The following LMO7 variants were observed in gnomAD, a reference collection of about 807,000 sequenced individuals.
LMO7 encodes LIM domain 7.
Under a neutral mutation model 206.5 loss-of-function variants are expected in LMO7, and 120 were observed. The observed-to-expected ratio is 0.58, with a 90% confidence interval of 0.50 to 0.68. The LOEUF (loss-of-function observed/expected upper bound fraction) is 0.68, where lower values mean the gene tolerates loss of function less well. LMO7 is among the 30% of genes least tolerant of loss of function. The pLI is 0.00. For synonymous variants in LMO7, 706 were observed against 681.5 expected (o/e 1.04, Z -0.56); for missense variants, 1,959 against 1,957.9 (o/e 1.00, Z -0.01).
chr13:75,675,289 G>A (rs980341451), intron 1 of LMO7, among the ~76,000 whole-genome samples: 1 of 151,878 alleles, frequency 6.6e-6, no homozygotes, highest in African/African-American at 2.4e-5. Flanking sequence ...GGCCAGGCTG[G>A]TCTCAAACTC....
At chr13:75,838,432 A>AT in intron 20 of LMO7, 4 of 709,378 alleles carry the variant, frequency 5.6e-6, no homozygotes, top group Non-Finnish European at 5.3e-6. Flanking sequence ...TAAACATTTT[A>AT]CTTTTTTTTT....
intron 26 of LMO7, among the ~76,000 whole-genome samples, chr13:75,846,307 G>A (rs1257183324): frequency 9.2e-5 from 14 of 152,062 alleles, no homozygotes; most frequent in Admixed American, 9.2e-4. Flanking sequence ...CTTTCTTTGA[G>A]CAGTTAGGAC....
Position 75,811,286 on chromosome 13 carries a change from C to A in LMO7, c.1946+2103C>A, listed in dbSNP as rs944244499. ...TCTTGAGCTCCTGGGCCGAAGCATT[C>A]CTCCTGCCTTGGCCTCCCAAAGTGT... On this transcript the variant is annotated intron_variant, in intron 11 of 30. Coordinates refer to ENST00000377534, the MANE Select transcript of LMO7 (RefSeq NM_001306080.2). 5.4e-5 allele frequency among the ~76,000 whole-genome samples: 8 copies of A among 147,576 alleles called. No homozygotes were observed. In the South Asian group the frequency reaches 1.3e-3, roughly 23 times the overall value.
At chr13:75,654,420 C>T (rs1171382229) in intron 1 of LMO7, among the ~76,000 whole-genome samples, 2 of 152,162 alleles carry the variant, frequency 1.3e-5, no homozygotes, top group Admixed American at 1.3e-4. Context: ...TCGTTTTCAG[C>T]TGACACGTCC....
chr13:75,621,897 A>G (rs2033345550), intron 1 of LMO7: 3 of 1,506,080 alleles, frequency 2.0e-6, no homozygotes, highest in Non-Finnish European at 2.7e-6. Flanking sequence ...ATACTTTTAT[A>G]TTATTACTTT....
chr13:75,759,692 G>A (rs2047983809), intron 3 of LMO7, among the ~76,000 whole-genome samples: 1 of 152,168 alleles, frequency 6.6e-6, no homozygotes, highest in African/African-American at 2.4e-5. Flanking sequence ...TTTTTAGAAT[G>A]TCTCTTTCCT....
chr13:75,645,960 C>G (rs561627721), intron 1 of LMO7, among the ~76,000 whole-genome samples: 1 of 152,178 alleles, frequency 6.6e-6, no homozygotes, highest in Non-Finnish European at 1.5e-5. Flanking sequence ...TATTTACATT[C>G]CTGACCCTGA....
intron 1 of LMO7, among the ~76,000 whole-genome samples, chr13:75,698,676 A>T (rs1472041887): frequency 2.0e-5 from 3 of 150,678 alleles, no homozygotes; most frequent in Non-Finnish European, 4.4e-5. Context: ...ACTTCTGTTG[A>T]ACTTCTTTTG....
In LMO7 at chr13:75,807,712, G is replaced by C; in HGVS notation, c.1429G>C (p.Val477Leu). The change falls in exon 10 of 31, where the codon GTT becomes CTT. Residue 477 changes from valine to leucine, a missense_variant. Physicochemically the swap from Val to Leu is conservative, Grantham distance 32. Coordinates refer to ENST00000377534, the MANE Select transcript of LMO7 (RefSeq NM_001306080.2). ...TGGGGCTTTCCATGCAAATCCATAT[G>C]TTCTCCGAGCTTTTGAAGACTTTAG... is the stretch of plus-strand genomic sequence containing the variant. ...KTGAFHANPY[V>L]LRAFEDFRKF... 6.2e-7 allele frequency: 1 copy of C among 1,613,998 alleles called. No homozygotes were observed. The highest frequency in any genetic ancestry group is 8.5e-7 in the Non-Finnish European group (1 of 1,179,886).
intron 21 of LMO7, 77 bp from the exon 22 acceptor site, chr13:75,840,314 T>C: frequency 6.6e-7 from 1 of 1,524,170 alleles, no homozygotes; most frequent in Middle Eastern, 1.7e-4. Context: ...AATTTATGTG[T>C]GCAAAAGTGG....
chr13:75,771,956 A>G (rs549318193), intron 4 of LMO7, among the ~76,000 whole-genome samples: 57 of 152,038 alleles, frequency 3.7e-4, no homozygotes, highest in Non-Finnish European at 7.1e-4. Flanking sequence ...GGTGATAAGC[A>G]TAGCACATCA....
At chr13:75,670,052 C>G (rs971952949) in intron 1 of LMO7, among the ~76,000 whole-genome samples, 2 of 152,172 alleles carry the variant, frequency 1.3e-5, no homozygotes, top group Non-Finnish European at 2.9e-5. Flanking sequence ...GCCCTTATAA[C>G]AGAGAAAGGC....
chr13:75,835,022 A>G (rs1278794514), intron 17 of LMO7: 3 of 497,692 alleles, frequency 6.0e-6, no homozygotes, highest in African/African-American at 6.0e-5. Flanking sequence ...CTCTTGATTT[A>G]TTTCACACGC....
intron 1 of LMO7, among the ~76,000 whole-genome samples, chr13:75,709,811 C>G (rs1388819806): frequency 6.6e-6 from 1 of 150,498 alleles, no homozygotes; most frequent in African/African-American, 2.5e-5. Context: ...AATTAGATCC[C>G]ATTTGTTAAT....
chr13:75,652,399 C>T (rs561305022), intron 1 of LMO7, among the ~76,000 whole-genome samples: 1 of 152,304 alleles, frequency 6.6e-6, no homozygotes, highest in African/African-American at 2.4e-5. Context: ...CTTTGCAGGT[C>T]TTGAAGTTTA....
At chr13:75,813,127 TA>T (rs1339940543) in intron 11 of LMO7, among the ~76,000 whole-genome samples, 1 of 152,206 alleles carries the variant, frequency 6.6e-6, no homozygotes, top group Non-Finnish European at 1.5e-5. Flanking sequence ...TGGCACACAG[TA>T]AGCACTCAGA....
chr13:75,801,522 C>T (rs1161166678), intron 7 of LMO7, among the ~76,000 whole-genome samples: 1 of 152,174 alleles, frequency 6.6e-6, no homozygotes, highest in Non-Finnish European at 1.5e-5. Flanking sequence ...TAGAGACATT[C>T]TGTTGCGGGA....
At chr13:75,856,042 C>T (rs1005947606) in intron 29 of LMO7, among the ~76,000 whole-genome samples, 1 of 152,118 alleles carries the variant, frequency 6.6e-6, no homozygotes, top group African/African-American at 2.4e-5. Flanking sequence ...AGAGTTTGGG[C>T]ACATGGAATC....
intron 3 of LMO7, among the ~76,000 whole-genome samples, chr13:75,751,281 C>T (rs529823657): frequency 2.0e-5 from 3 of 151,318 alleles, no homozygotes; most frequent in African/African-American, 7.3e-5. Context: ...CTGCCTCAGC[C>T]TCCCGAATAG....
Sources: gnomAD v4.1 joint callset for allele counts (sites outside exome capture counted in the v4.1 genomes callset) on GRCh38, gnomAD v4.1.1 for gene constraint, MANE v1.5 for transcripts, NCBI Gene and HGNC (gene_info 2026-07-23, HGNC 2026-07-21) for gene names.